Variants in STOX2 observed in about 807,000 individuals in gnomAD.
STOX2 encodes the protein storkhead box 2.
In STOX2, 28 loss-of-function variants were observed where a neutral mutation model predicts 60.9. The ratio of observed to expected loss-of-function variants is 0.46; its 90% CI spans 0.34 to 0.63. The LOEUF is 0.63. STOX2 is among the 30% of genes least tolerant of loss of function. The pLI, the probability that STOX2 is intolerant of heterozygous loss-of-function variation, is 0.01. For missense variants in STOX2, 1,024 were observed against 1,187.7 expected, an observed-to-expected ratio of 0.86 and a Z score of 2.03; for synonymous variants, 472 against 463.9, an observed-to-expected ratio of 1.02 and a Z score of -0.22.
intron 1 of STOX2, among the ~76,000 whole-genome samples, chr4:183,918,790 C>T (rs1206442830): frequency 1.3e-5 from 2 of 152,212 alleles, no homozygotes; most frequent in Non-Finnish European, 2.9e-5. Context: ...ATTTCAGCTG[C>T]TACGAGCAGA....
Position 183,864,531 on chromosome 4 carries a change from T to C in STOX2, c.364+66476T>C, listed in dbSNP as rs1007984274. 2.6e-5 allele frequency among the ~76,000 whole-genome samples: 4 copies of C among 152,010 alleles called. No homozygotes were observed. In the East Asian group the frequency reaches 5.8e-4, roughly 22 times the overall value. On this transcript the variant is annotated intron_variant, in intron 1 of 2. Coordinates refer to the STOX2 transcript ENST00000513034. ...GCCTCAGCCTCCCGAGTAGCTGGGA[T>C]TACAGGCGCCCACCACCATGCCTGG...
intron 1 of STOX2, among the ~76,000 whole-genome samples, chr4:183,961,010 C>T (rs1743395896): frequency 6.6e-6 from 1 of 152,126 alleles, no homozygotes; most frequent in Admixed American, 6.5e-5. Context: ...TCAGCCCTAC[C>T]CCTGGTTCTC....
At chr4:183,938,536 G>T (rs1579441511) in intron 1 of STOX2, among the ~76,000 whole-genome samples, 1 of 152,046 alleles carries the variant, frequency 6.6e-6, no homozygotes, top group African/African-American at 2.4e-5. Flanking sequence ...GGATGTGGTG[G>T]TGCACGCCTG....
chr4:183,807,268 G>T (rs930398848), intron 1 of STOX2, among the ~76,000 whole-genome samples: 10 of 152,156 alleles, frequency 6.6e-5, no homozygotes, highest in African/African-American at 2.4e-4. Flanking sequence ...CACCGCGCCC[G>T]GCCTCTGACA....
chr4:183,877,564 T>C (rs775823713), intron 1 of STOX2, among the ~76,000 whole-genome samples: 1 of 152,232 alleles, frequency 6.6e-6, no homozygotes, highest in Non-Finnish European at 1.5e-5. Flanking sequence ...GTATGCGTGC[T>C]CTGCACAGTG....
At chr4:183,809,480 C>T (rs933116312) in intron 1 of STOX2, among the ~76,000 whole-genome samples, 6 of 152,274 alleles carry the variant, frequency 3.9e-5, no homozygotes, top group African/African-American at 1.4e-4. Context: ...CTAACTGCAA[C>T]CTCTGCCTCC....
chr4:183,946,109 A>G (rs1269220654), intron 1 of STOX2, among the ~76,000 whole-genome samples: 2 of 152,318 alleles, frequency 1.3e-5, no homozygotes, highest in African/African-American at 4.8e-5. Context: ...ACAAATAAAT[A>G]CGAGACGTCG....
intron 1 of STOX2, among the ~76,000 whole-genome samples, chr4:183,962,631 A>T (rs1743446315): frequency 6.6e-6 from 1 of 152,186 alleles, no homozygotes; most frequent in African/African-American, 2.4e-5. Context: ...ATTGATGTGA[A>T]GCCTGATGCT....
chr4:183,846,327 A>C (rs1368925011), intron 1 of STOX2, among the ~76,000 whole-genome samples: 1 of 152,006 alleles, frequency 6.6e-6, no homozygotes, highest in African/African-American at 2.4e-5. Context: ...GAATGTGTAG[A>C]TTCATGCTTG....
chr4:183,965,054 T>TG (rs1258159853), intron 1 of STOX2, among the ~76,000 whole-genome samples: 1 of 152,230 alleles, frequency 6.6e-6, no homozygotes, highest in East Asian at 1.9e-4. Context: ...ATAAAAATCT[T>TG]ATAGTCTTGA....
intron 1 of STOX2, among the ~76,000 whole-genome samples, chr4:183,879,392 C>T (rs895613619): frequency 1.3e-5 from 2 of 152,220 alleles, no homozygotes; most frequent in Non-Finnish European, 1.5e-5. Context: ...CTATGCTGGC[C>T]TCACTCTGGA....
chr4:183,924,668 G>A (rs1182370484), intron 1 of STOX2, among the ~76,000 whole-genome samples: 1 of 152,170 alleles, frequency 6.6e-6, no homozygotes, highest in African/African-American at 2.4e-5. Flanking sequence ...GATCGCCCTG[G>A]CTCAGGGTGG....
chr4:184,007,926 G>A (rs929835915), intron 2 of STOX2, among the ~76,000 whole-genome samples: 5 of 152,202 alleles, frequency 3.3e-5, no homozygotes, highest in African/African-American at 4.8e-5. Flanking sequence ...ATTTAAAAGA[G>A]TATTAGGAGT....
intron 1 of STOX2, among the ~76,000 whole-genome samples, chr4:183,854,538 A>G (rs1049868098): frequency 6.6e-6 from 1 of 152,180 alleles, no homozygotes; most frequent in African/African-American, 2.4e-5. Context: ...GGGGATGGTG[A>G]GTTTATTATT....
chr4:183,937,620 A>G (rs1364613175), intron 1 of STOX2, among the ~76,000 whole-genome samples: 1 of 152,058 alleles, frequency 6.6e-6, no homozygotes, highest in Non-Finnish European at 1.5e-5. Context: ...TGATCAGTGG[A>G]CTCGTCTCAT....
Position 183,825,906 on chromosome 4 carries a change from C to T in STOX2, c.364+27851C>T, listed in dbSNP as rs541892419. On this transcript the variant is annotated intron_variant, in intron 1 of 2. Coordinates refer to the STOX2 transcript ENST00000513034. This position sits in a 1 kb window ranked among gnomAD's most constrained non-coding sequence, Gnocchi z 4.1. ...TTTGGCAAATGATGGGGAGAAGGCGCGAGAAGGGTCGTTGGCTGTGAGCTG... is the reference window on the plus strand; with the variant it reads ...TTTGGCAAATGATGGGGAGAAGGCGTGAGAAGGGTCGTTGGCTGTGAGCTG... Among the ~76,000 whole-genome samples, 2 of 152,256 alleles carry T rather than the reference C, an allele frequency of 1.3e-5. No individual in the cohort carries two copies. Among genetic ancestry groups the T allele is most frequent in the African/African-American group, 2.4e-5 (1 of 41,528 alleles).
chr4:183,811,289 T>G (rs1156548573), intron 1 of STOX2, among the ~76,000 whole-genome samples: 3 of 152,230 alleles, frequency 2.0e-5, no homozygotes, highest in African/African-American at 7.2e-5. Context: ...TATATTGTGT[T>G]AAGTCTATGT....
intron 1 of STOX2, among the ~76,000 whole-genome samples, chr4:183,891,572 A>G (rs978720479): frequency 2.0e-5 from 3 of 151,606 alleles, no homozygotes; most frequent in African/African-American, 4.8e-5. Context: ...ATGTAAAGGT[A>G]TAAGAATGAT....
intron 2 of STOX2, among the ~76,000 whole-genome samples, chr4:184,007,621 G>A (rs977315239): frequency 1.3e-5 from 2 of 152,162 alleles, no homozygotes; most frequent in Admixed American, 6.5e-5. Context: ...TAGGACTGCT[G>A]TAACAAAGTG....
Sources: allele counts gnomAD v4.1 joint callset (sites outside exome capture counted in the v4.1 genomes callset), GRCh38; gene constraint gnomAD v4.1.1; non-coding constraint Gnocchi (gnomAD v3.1); transcripts MANE v1.5; gene names NCBI Gene and HGNC (gene_info 2026-07-23, HGNC 2026-07-21).